ATXN7L1: variants seen among roughly 807,000 people sequenced by gnomAD.
ATXN7L1 encodes the protein ataxin 7 like 1, also known as ataxin-7-like protein 1.
In ATXN7L1, 15 loss-of-function variants were observed where a neutral mutation model predicts 70.8. The ratio of observed to expected loss-of-function variants is 0.21; its 90% CI spans 0.14 to 0.33. The LOEUF (loss-of-function observed/expected upper bound fraction) is 0.33. Among genes scored for constraint, ATXN7L1 ranks in the 10% least tolerant of loss-of-function variants. The probability of loss-of-function intolerance (pLI) is 1.00; values close to 1 mark genes in which losing one functional copy is unlikely to be tolerated. For synonymous variants in ATXN7L1, 440 were observed against 445.1 expected, an observed-to-expected ratio of 0.99 and a Z score of 0.14; for missense variants, 975 against 1,097.1, an observed-to-expected ratio of 0.89 and a Z score of 1.57.
chr7:105,691,595 C>T (rs1376214931), intron 3 of ATXN7L1: 3 of 145,414 alleles, frequency 2.1e-5, no homozygotes, highest in African/African-American at 5.1e-5. Context: ...TCTGATGCTA[C>T]GACGACTGTA....
At chr7:105,814,308 G>C (rs142475911) in intron 2 of ATXN7L1, among the ~76,000 whole-genome samples, 14 of 152,242 alleles carry the variant, frequency 9.2e-5, no homozygotes, top group African/African-American at 3.4e-4. Flanking sequence ...CAATAAACTT[G>C]ATCTTTGCCC....
chr7:105,740,769 A>ATT (rs1235457353), intron 3 of ATXN7L1, among the ~76,000 whole-genome samples: 1 of 85,680 alleles, frequency 1.2e-5, no homozygotes, highest in Non-Finnish European at 2.1e-5. Flanking sequence ...GGCTCCATTC[A>ATT]TTTTTTTTTT....
At chr7:105,690,398 C>A (rs899351818) in intron 3 of ATXN7L1, among the ~76,000 whole-genome samples, 17 of 152,202 alleles carry the variant, frequency 1.1e-4, no homozygotes, top group African/African-American at 4.1e-4. Flanking sequence ...CAAGCCTCAT[C>A]CTAATGGTCA....
intron 3 of ATXN7L1, among the ~76,000 whole-genome samples, chr7:105,679,661 G>A (rs1805266476): frequency 6.6e-6 from 1 of 152,146 alleles, no homozygotes; most frequent in Admixed American, 6.5e-5. Flanking sequence ...TAGATTTGGA[G>A]GGGGGAGAAT....
At chr7:105,616,002 G>A (rs764760714) in intron 9 of ATXN7L1, among the ~76,000 whole-genome samples, 3 of 152,206 alleles carry the variant, frequency 2.0e-5, no homozygotes, top group African/African-American at 2.4e-5. Context: ...ACGTTTGTTC[G>A]TGATTTTGCA....
At chr7:105,805,024 A>G (rs1585045735) in intron 2 of ATXN7L1, among the ~76,000 whole-genome samples, 1 of 152,356 alleles carries the variant, frequency 6.6e-6, no homozygotes, top group South Asian at 2.1e-4. Flanking sequence ...CCAAGAACCA[A>G]TAAAGAACAG....
intron 3 of ATXN7L1, among the ~76,000 whole-genome samples, chr7:105,780,395 A>G (rs1018336123): frequency 6.6e-6 from 1 of 152,186 alleles, no homozygotes; most frequent in African/African-American, 2.4e-5. Context: ...AGTTCATTAA[A>G]TTCTACTGCA....
chr7:105,747,717 T>C (rs1798739115), intron 3 of ATXN7L1, among the ~76,000 whole-genome samples: 1 of 152,174 alleles, frequency 6.6e-6, no homozygotes, highest in Non-Finnish European at 1.5e-5. Context: ...TCTGATGCGA[T>C]GTCTAGGTAC....
chr7:105,681,451 T>C (rs1253797879), intron 3 of ATXN7L1, among the ~76,000 whole-genome samples: 2 of 152,140 alleles, frequency 1.3e-5, no homozygotes, highest in Non-Finnish European at 2.9e-5. Flanking sequence ...GCACTGTTGG[T>C]GGGAATGTAA....
At chr7:105,658,973 C>T (rs929257567) in intron 4 of ATXN7L1, among the ~76,000 whole-genome samples, 1 of 152,154 alleles carries the variant, frequency 6.6e-6, no homozygotes, top group Non-Finnish European at 1.5e-5. Flanking sequence ...CCCGTCTCTA[C>T]TGAAAACACA....
At chr7:105,638,291 G>T in intron 7 of ATXN7L1, 62 bp downstream of exon 7, 1 of 1,496,946 alleles carries the variant, frequency 6.7e-7, no homozygotes, top group South Asian at 1.3e-5. Flanking sequence ...ACATGCCACA[G>T]ACCCAGCAAG....
chr7:105,619,524 ATATATATTTTTTTTTTTTTTT>A (rs1341078017), intron 9 of ATXN7L1, among the ~76,000 whole-genome samples: 48 of 21,520 alleles, frequency 2.2e-3, no homozygotes, highest in East Asian at 0.018. Flanking sequence ...ATATATATAT[ATATATATTTTTTTTTTTTTTT>A]TTTTTTTTTT....
intron 3 of ATXN7L1, among the ~76,000 whole-genome samples, chr7:105,751,844 G>A (rs560827003): frequency 6.6e-6 from 1 of 152,184 alleles, no homozygotes; most frequent in African/African-American, 2.4e-5. Flanking sequence ...ACAGGGAGCC[G>A]TCAGCTCTGC....
intron 2 of ATXN7L1, among the ~76,000 whole-genome samples, chr7:105,816,565 T>C (rs748798415): frequency 1.3e-5 from 2 of 152,194 alleles, no homozygotes; most frequent in Non-Finnish European, 2.9e-5. Flanking sequence ...ACTCTTGCAA[T>C]GCTCCTTTCC....
At chr7:105,863,955 A>C (rs1230046096) in intron 2 of ATXN7L1, among the ~76,000 whole-genome samples, 2 of 152,172 alleles carry the variant, frequency 1.3e-5, no homozygotes, top group Non-Finnish European at 2.9e-5. Context: ...AAAACTCCAA[A>C]AGGAAATACA....
At chr7:105,613,747 C>G (rs982609047) in intron 10 of ATXN7L1, 115 bp downstream of exon 10, 3 of 1,525,672 alleles carry the variant, frequency 2.0e-6, no homozygotes, top group Non-Finnish European at 2.6e-6. Context: ...TCGGGGAAAA[C>G]GAGAACAGGA....
intron 3 of ATXN7L1, among the ~76,000 whole-genome samples, chr7:105,784,981 T>C (rs1220113600): frequency 1.3e-5 from 2 of 152,196 alleles, no homozygotes; most frequent in South Asian, 2.1e-4. Flanking sequence ...TTCCCATATA[T>C]ATTTATGGAT....
intron 2 of ATXN7L1, among the ~76,000 whole-genome samples, chr7:105,807,235 G>A (rs978484499): frequency 2.6e-5 from 4 of 152,326 alleles, no homozygotes; most frequent in Admixed American, 1.3e-4. Flanking sequence ...AGAACCTCAT[G>A]AGGGAAACTT....
intron 7 of ATXN7L1, among the ~76,000 whole-genome samples, chr7:105,627,155 A>G (rs1795822670): frequency 6.6e-6 from 1 of 152,170 alleles, no homozygotes; most frequent in Non-Finnish European, 1.5e-5. Flanking sequence ...CCTGCAGGAG[A>G]TAGATTAAAA....
Sources: gnomAD v4.1 joint callset for allele counts (sites outside exome capture counted in the v4.1 genomes callset) on GRCh38, gnomAD v4.1.1 for gene constraint, MANE v1.5 for transcripts, NCBI Gene and HGNC (gene_info 2026-07-23, HGNC 2026-07-21) for gene names.